CSTPP1: variants seen among roughly 807,000 people sequenced by gnomAD.
CSTPP1 encodes centriolar satellite-associated tubulin polyglutamylase complex regulator 1.
chr11:46,992,630 T>A, the CSTPP1 span, among the ~76,000 whole-genome samples: 1 of 152,122 alleles, frequency 6.6e-6, no homozygotes, highest in Non-Finnish European at 1.5e-5. Flanking sequence ...CTTAACCCAG[T>A]CTATCATTGA....
the CSTPP1 span, among the ~76,000 whole-genome samples, chr11:47,036,086 AT>A: frequency 1.2e-4 from 2 of 17,292 alleles, no homozygotes; most frequent in Non-Finnish European, 2.4e-4. Flanking sequence ...AATTATATAT[AT>A]TATATTATAT....
the CSTPP1 span, among the ~76,000 whole-genome samples, chr11:47,113,709 G>A: frequency 2.0e-5 from 3 of 151,894 alleles, no homozygotes; most frequent in Admixed American, 2.0e-4. Context: ...TTTTTTTCTT[G>A]TAAATTTGTT....
chr11:46,985,553 A>G, the CSTPP1 span, among the ~76,000 whole-genome samples: 1 of 152,162 alleles, frequency 6.6e-6, no homozygotes, highest in African/African-American at 2.4e-5. Flanking sequence ...CTGAATTGGA[A>G]GCTTCTATGT....
chr11:47,107,350 C>T, the CSTPP1 span, among the ~76,000 whole-genome samples: 1 of 152,194 alleles, frequency 6.6e-6, no homozygotes, highest in East Asian at 1.9e-4. Context: ...GGCAGCATCC[C>T]TCTCACTCAT....
the CSTPP1 span, among the ~76,000 whole-genome samples, chr11:47,008,007 G>A: frequency 1.2e-4 from 18 of 151,582 alleles, no homozygotes; most frequent in African/African-American, 7.3e-5. Flanking sequence ...TCACTCTGTC[G>A]CCCAGGCTGG....
the CSTPP1 span, among the ~76,000 whole-genome samples, chr11:46,986,579 C>A: frequency 5.1e-3 from 782 of 152,198 alleles, 12 homozygotes; most frequent in African/African-American, 0.017. Flanking sequence ...CCTGCCGCAG[C>A]TTCCTGAGTA....
the CSTPP1 span, among the ~76,000 whole-genome samples, chr11:47,082,106 C>A: frequency 6.9e-6 from 1 of 144,278 alleles, no homozygotes. Flanking sequence ...GCCATGATCA[C>A]ACCACTGCAC....
chr11:47,053,973 A>C, the CSTPP1 span, among the ~76,000 whole-genome samples: 2 of 151,578 alleles, frequency 1.3e-5, no homozygotes, highest in Non-Finnish European at 2.9e-5. Flanking sequence ...AAAAAGTTAA[A>C]TTTTATTCTC....
the CSTPP1 span, among the ~76,000 whole-genome samples, chr11:47,089,233 T>C: frequency 6.6e-6 from 1 of 152,040 alleles, no homozygotes; most frequent in Non-Finnish European, 1.5e-5. Context: ...AGTAAAAGAG[T>C]TGATGTTGAC....
At chr11:47,043,237 T>C in the CSTPP1 span, among the ~76,000 whole-genome samples, 2 of 152,180 alleles carry the variant, frequency 1.3e-5, no homozygotes, top group Non-Finnish European at 2.9e-5. Context: ...ACCTGAGAAA[T>C]GGCTTACATA....
chr11:46,958,347 G>C, the CSTPP1 span, among the ~76,000 whole-genome samples: 2 of 152,028 alleles, frequency 1.3e-5, no homozygotes, highest in East Asian at 3.9e-4. Flanking sequence ...TTTATTGTAA[G>C]AATACAGTAT....
At chr11:46,953,222 G>A in the CSTPP1 span, among the ~76,000 whole-genome samples, 5 of 152,108 alleles carry the variant, frequency 3.3e-5, no homozygotes, top group South Asian at 2.1e-4. Context: ...AGAGTAAATC[G>A]GAGGGTGAAG....
the CSTPP1 span, among the ~76,000 whole-genome samples, chr11:47,126,838 G>T: frequency 1.3e-5 from 2 of 148,312 alleles, no homozygotes; most frequent in Non-Finnish European, 3.0e-5. Flanking sequence ...GAGCTGAGGT[G>T]GGGGGGATTG....
the CSTPP1 span, among the ~76,000 whole-genome samples, chr11:47,125,693 A>G: frequency 1.3e-5 from 2 of 152,156 alleles, no homozygotes; most frequent in Admixed American, 1.3e-4. Context: ...ATTTCATCCT[A>G]ATGATAAGCC....
the CSTPP1 span, among the ~76,000 whole-genome samples, chr11:46,969,819 C>A: frequency 6.6e-6 from 1 of 152,112 alleles, no homozygotes. Flanking sequence ...GGCTAGAGTG[C>A]AGTGGCATGA....
the CSTPP1 span, among the ~76,000 whole-genome samples, chr11:46,960,890 A>G: frequency 6.6e-6 from 1 of 152,224 alleles, no homozygotes; most frequent in Non-Finnish European, 1.5e-5. Context: ...CAATTGTTGT[A>G]GGGTATTTCA....
chr11:47,025,878 T>G, the CSTPP1 span, among the ~76,000 whole-genome samples: 1 of 152,304 alleles, frequency 6.6e-6, no homozygotes, highest in Non-Finnish European at 1.5e-5. Flanking sequence ...GAAATTAGAA[T>G]TGAGTTTAAA....
chr11:47,035,869 A>G, the CSTPP1 span, among the ~76,000 whole-genome samples: 38 of 151,412 alleles, frequency 2.5e-4, no homozygotes, highest in Admixed American at 7.9e-4. Context: ...ATTGAAAAAA[A>G]ATCCATGTAT....
chr11:47,034,462 C>T, the CSTPP1 span, among the ~76,000 whole-genome samples: 1 of 151,592 alleles, frequency 6.6e-6, no homozygotes, highest in Non-Finnish European at 1.5e-5. Flanking sequence ...TAAAAAACTG[C>T]TCAGGAAGAT....
Sources: gnomAD v4.1 joint callset for allele counts (sites outside exome capture counted in the v4.1 genomes callset) on GRCh38, gnomAD v4.1.1 for gene constraint, MANE v1.5 for transcripts, NCBI Gene and HGNC (gene_info 2026-07-23, HGNC 2026-07-21) for gene names.